Variants in DGKI observed in about 807,000 individuals in gnomAD.
DGKI encodes diacylglycerol kinase iota.
In DGKI, 55 loss-of-function variants were observed where a neutral mutation model predicts 147.5. That is an observed-to-expected ratio of 0.37 (90% confidence interval 0.30 to 0.47). DGKI has a LOEUF of 0.47. Ranked by LOEUF, DGKI falls within the 20% of genes least tolerant of loss-of-function variation. The pLI is 1.00. For synonymous variants in DGKI, 469 were observed against 477.1 expected (o/e 0.98, Z 0.22); for missense variants, 1,007 against 1,323.8 (o/e 0.76, Z 3.71).
rs1241907057 is a variant in DGKI, at chr7:137,388,714, T to C, written c.*2506A>G. 2 of 152,180 alleles carry C rather than the reference T, an allele frequency of 1.3e-5. No individual in the cohort carries two copies. The highest frequency in any genetic ancestry group is 4.8e-5 in the African/African-American group (2 of 41,450). 9.4% of individuals were successfully genotyped at this position (152,180 alleles called of 1,614,324 possible). The stretch of plus-strand genomic sequence containing the variant: ...ACATGTGGTTATTCTGCTCACTTTA[T>C]TTTGGAAATCCCAAGTCCTAGTGGT... On this transcript the variant is annotated 3_prime_UTR_variant, in exon 33 of 33. Coordinates refer to ENST00000614521, the MANE Select transcript of DGKI (RefSeq NM_001321708.2).
In DGKI at chr7:137,527,650, G is replaced by A. The variant is rs946719069; in HGVS notation, c.2148-5684C>T. On this transcript the variant is annotated intron_variant, in intron 20 of 32. Coordinates refer to ENST00000614521, the MANE Select transcript of DGKI (RefSeq NM_001321708.2). ...GTGTAAGGCTTGCCCCTTGTAACACGCACTATGTAGAAACATTGATTTTTA... is the reference window on the plus strand; with the variant it reads ...GTGTAAGGCTTGCCCCTTGTAACACACACTATGTAGAAACATTGATTTTTA... 3.3e-5 allele frequency among the ~76,000 whole-genome samples: 5 copies of A among 151,988 alleles called. No homozygotes were observed. The East Asian group carries it at 7.7e-4, about 23-fold the overall frequency.
intron 6 of DGKI, among the ~76,000 whole-genome samples, chr7:137,642,303 C>G (rs2037678): frequency 0.18 from 27,949 of 152,108 alleles, 7,802 homozygotes; most frequent in African/African-American, 0.61. Flanking sequence ...TCTCCAGGCT[C>G]TAGGTCACCA....
intron 28 of DGKI, among the ~76,000 whole-genome samples, chr7:137,427,445 G>T (rs1232290347): frequency 9.9e-5 from 15 of 152,054 alleles, no homozygotes; most frequent in Non-Finnish European, 1.9e-4. Flanking sequence ...ACAAGAGAAA[G>T]CAGGAAAGAT....
Position 137,383,030 on chromosome 7 carries a change from G to C in DGKI, c.*8190C>G, listed in dbSNP as rs1370448934. 2.0e-5 allele frequency: 3 copies of C among 151,920 alleles called. No individual in the cohort carries two copies. The highest frequency in any genetic ancestry group is 4.4e-5 in the Non-Finnish European group (3 of 67,940). 9.4% of individuals were successfully genotyped at this position (151,920 alleles called of 1,614,324 possible). ...TTATAGAAAGTGCCTCCATGCCTCT[G>C]TATTGGCAGAGGATATAGAATTTCC... is the stretch of plus-strand genomic sequence containing the variant. On this transcript the variant is annotated 3_prime_UTR_variant, in exon 33 of 33. Coordinates refer to ENST00000614521, the MANE Select transcript of DGKI (RefSeq NM_001321708.2).
chr7:137,743,647 A>C (rs574798844), intron 1 of DGKI, among the ~76,000 whole-genome samples: 1 of 152,188 alleles, frequency 6.6e-6, no homozygotes, highest in South Asian at 2.1e-4. Flanking sequence ...GTCCTAAATT[A>C]ACAATCTAAA....
In DGKI at chr7:137,434,283, A is replaced by G. The variant is rs755047686; in HGVS notation, c.2761+9794T>C. Reference sequence around the variant, plus strand: ...TGCAATGCTGTAGGTAAATTTTAATAAAGAGTATTCCCGCAGCTGGGCATG... The same window carrying G: ...TGCAATGCTGTAGGTAAATTTTAATGAAGAGTATTCCCGCAGCTGGGCATG... On this transcript the variant is annotated intron_variant, in intron 28 of 32. Coordinates refer to ENST00000614521, the MANE Select transcript of DGKI (RefSeq NM_001321708.2). Among the ~76,000 whole-genome samples, 7 of 152,192 alleles carry G rather than the reference A, an allele frequency of 4.6e-5. No individual in the cohort carries two copies. In the South Asian group the frequency reaches 1.0e-3, roughly 23 times the overall value.
At chr7:137,796,757 A>T (rs527404191) in intron 1 of DGKI, among the ~76,000 whole-genome samples, 2 of 152,214 alleles carry the variant, frequency 1.3e-5, no homozygotes, top group Non-Finnish European at 2.9e-5. Flanking sequence ...AATTGAGATC[A>T]TCCAGTTTGA....
At chr7:137,716,025 A>C (rs1001207886) in intron 1 of DGKI, among the ~76,000 whole-genome samples, 2 of 152,224 alleles carry the variant, frequency 1.3e-5, no homozygotes, top group African/African-American at 4.8e-5. Context: ...AAGGAAAGAA[A>C]CAAGGCATGA....
intron 1 of DGKI, among the ~76,000 whole-genome samples, chr7:137,818,468 C>T (rs935324214): frequency 6.6e-6 from 1 of 152,110 alleles, no homozygotes; most frequent in Non-Finnish European, 1.5e-5. Context: ...GCTATTTTTG[C>T]CCAGGCTGGA....
intron 15 of DGKI, among the ~76,000 whole-genome samples, chr7:137,579,527 C>T (rs755986459): frequency 1.0e-3 from 154 of 151,284 alleles, no homozygotes; most frequent in Non-Finnish European, 9.3e-4. Context: ...TTAAAAAAAG[C>T]AGAATAACAG....
chr7:137,762,891 C>G (rs1795904257), intron 1 of DGKI, among the ~76,000 whole-genome samples: 1 of 152,220 alleles, frequency 6.6e-6, no homozygotes, highest in African/African-American at 2.4e-5. Context: ...ATATTGTGGA[C>G]TGAGTGACAA....
chr7:137,756,704 C>T (rs10263154), intron 1 of DGKI, among the ~76,000 whole-genome samples: 9,022 of 152,086 alleles, frequency 0.059, 917 homozygotes, highest in African/African-American at 0.21. Context: ...AGTATTTTGA[C>T]TTGTGGGTTT....
chr7:137,537,453 T>C (rs1001551533), intron 20 of DGKI, among the ~76,000 whole-genome samples: 2 of 151,830 alleles, frequency 1.3e-5, no homozygotes, highest in East Asian at 1.9e-4. Flanking sequence ...CATCAGAAAA[T>C]ACAGAAATAA....
chr7:137,436,849 A>G (rs954429100), intron 28 of DGKI, among the ~76,000 whole-genome samples: 1 of 152,230 alleles, frequency 6.6e-6, no homozygotes, highest in African/African-American at 2.4e-5. Flanking sequence ...TTTCTATTTA[A>G]AAATCAATTA....
intron 1 of DGKI, among the ~76,000 whole-genome samples, chr7:137,711,520 T>C (rs1178006943): frequency 2.6e-5 from 4 of 152,056 alleles, no homozygotes; most frequent in Admixed American, 1.3e-4. Flanking sequence ...TAGTATTTCA[T>C]TTACATAACA....
At chr7:137,629,799 T>C (rs970467980) in intron 6 of DGKI, among the ~76,000 whole-genome samples, 9 of 152,188 alleles carry the variant, frequency 5.9e-5, no homozygotes, top group Non-Finnish European at 1.3e-4. Flanking sequence ...ATGTGTACCC[T>C]TGCCTGGTAA....
intron 28 of DGKI, among the ~76,000 whole-genome samples, chr7:137,422,595 CTTTTTTTTTTTTTTT>C (rs60494368): frequency 0.028 from 1,754 of 62,092 alleles, 59 homozygotes; most frequent in East Asian, 0.19. Flanking sequence ...TTTTTCTTTT[CTTTTTTTTTTTTTTT>C]TTTTTTTTTT....
chr7:137,705,190 GAC>G (rs1336207266), intron 1 of DGKI, among the ~76,000 whole-genome samples: 2 of 151,980 alleles, frequency 1.3e-5, no homozygotes, highest in African/African-American at 4.8e-5. Flanking sequence ...ACAACTATTA[GAC>G]AGTTTTTAAT....
chr7:137,520,658 C>A (rs1266780804), intron 21 of DGKI, among the ~76,000 whole-genome samples: 1 of 151,994 alleles, frequency 6.6e-6, no homozygotes, highest in Non-Finnish European at 1.5e-5. Context: ...GAAGCTGAAG[C>A]AGCTGAGAGA....
Sources: allele counts gnomAD v4.1 joint callset (sites outside exome capture counted in the v4.1 genomes callset), GRCh38; gene constraint gnomAD v4.1.1; transcripts MANE v1.5; gene names NCBI Gene and HGNC (gene_info 2026-07-23, HGNC 2026-07-21).